The following COL4A2 variants were observed in gnomAD, a reference collection of about 807,000 sequenced individuals.
COL4A2 encodes the protein collagen alpha-2(IV) chain.
A neutral mutation model predicts 200.2 loss-of-function variants in COL4A2; 99 were observed. That is an observed-to-expected ratio of 0.49 (90% CI 0.42 to 0.58). COL4A2 has a LOEUF of 0.58. Ranked by LOEUF, COL4A2 falls within the 20% of genes least tolerant of loss-of-function variation. The pLI is 0.00. For synonymous variants in COL4A2, 897 were observed against 900.6 expected (o/e 1.00, Z 0.07); for missense variants, 1,950 against 2,314.1 (o/e 0.84, Z 3.23).
At position 110,462,166 on chromosome 13, in the gene COL4A2, C is replaced by G. The variant is rs1882051747; in HGVS notation, c.1649C>G (p.Ser550Cys). The stretch of plus-strand genomic sequence containing the variant: ...GGACCCAAAGGAGCAAAAGGAGATT[C>G]CAGAACAATCACAACCAAAGGTGAG... ...APGPKGAKGD[S>C]RTITTKGERG... The change falls in exon 23 of 48, where the codon TCC (serine) becomes TGC (cysteine). Residue 550 changes from serine (S) to cysteine (C), a missense_variant. Physicochemically the swap from Ser to Cys is moderately radical, Grantham distance 112. Transcript: ENST00000360467. The G allele has an allele frequency of 1.2e-6, 2 of 1,614,160 alleles. No homozygotes were observed. The highest frequency in any genetic ancestry group is 1.3e-5 in the African/African-American group (1 of 74,948).
intron 20 of COL4A2, among the ~76,000 whole-genome samples, chr13:110,453,932 TTC>T (rs1458378034): frequency 4.6e-5 from 7 of 152,166 alleles, no homozygotes; most frequent in Non-Finnish European, 5.9e-5. Context: ...TCCCATGGAG[TTC>T]TCTGACTTTT....
At chr13:110,505,082 G>A (rs1055975124) in intron 45 of COL4A2, among the ~76,000 whole-genome samples, 5 of 151,960 alleles carry the variant, frequency 3.3e-5, no homozygotes. Flanking sequence ...CGGGCGCGGT[G>A]GCTCACGCCT....
chr13:110,494,805 T>C (rs948209085), intron 39 of COL4A2, among the ~76,000 whole-genome samples: 1 of 152,240 alleles, frequency 6.6e-6, no homozygotes, highest in Admixed American at 6.5e-5. Context: ...TAACCAAATA[T>C]TGCTCTGTCT....
At chr13:110,495,230 G>GGC (rs1883417297) in intron 39 of COL4A2, 112 bp from the exon 40 acceptor site, 2 of 1,269,574 alleles carry the variant, frequency 1.6e-6, no homozygotes, top group Admixed American at 1.7e-5. Flanking sequence ...AAATCACCAT[G>GGC]GCTGCCTCTG....
chr13:110,485,825 A>G lies in COL4A2; in HGVS notation c.3196A>G (p.Ile1066Val), dbSNP rs780207925. The G allele has an allele frequency of 1.2e-6, 2 of 1,613,658 alleles. No individual in the cohort carries two copies. The highest frequency in any genetic ancestry group is 3.3e-5 in the Admixed American group (2 of 59,972). ...PPGITGFPGF[I>V]GSRGDKGAPG... is the part of the protein sequence containing the mutation. The stretch of plus-strand genomic sequence containing the variant: ...TGGAATTACGGGATTCCCAGGATTC[A>G]TAGGAAGCCGGGTGAGTGGGCGTCT... Residue 1066 changes from isoleucine to valine, a missense_variant, in exon 34 of 48, where the codon ATA (isoleucine) becomes GTA (valine). By Grantham distance (29) the Ile-to-Val change is conservative (BLOSUM62 3). Transcript: ENST00000360467.
chr13:110,509,296 CAA>C lies in COL4A2; in HGVS notation c.4881+1076_4881+1077del, dbSNP rs1555334026. Among the ~76,000 whole-genome samples, 457 of 129,876 alleles carry C rather than the reference CAA, an allele frequency of 3.5e-3. 1 individual carries two copies. In the East Asian group the frequency reaches 0.037, roughly 11 times the overall value. The allele number at this position is 129,876 out of a possible 152,430, so 85.2% of individuals were successfully genotyped here. On this transcript the variant is annotated intron_variant, in intron 47 of 47. Transcript: ENST00000360467. ...ACACACACACACACACACACACACA[CAA>C]CATAAAATATAAATTACATAGTGAT...
At chr13:110,345,830 C>A (rs963835313) in intron 3 of COL4A2, among the ~76,000 whole-genome samples, 2 of 152,150 alleles carry the variant, frequency 1.3e-5, no homozygotes, top group African/African-American at 4.8e-5. Context: ...ATAGCAACAC[C>A]CAGGCTCTCA....
At chr13:110,420,781 G>T (rs539396244) in intron 4 of COL4A2, among the ~76,000 whole-genome samples, 1 of 152,292 alleles carries the variant, frequency 6.6e-6, no homozygotes, top group South Asian at 2.1e-4. Flanking sequence ...CTTCCTTAGT[G>T]GGCAGGAAAT....
intron 4 of COL4A2, among the ~76,000 whole-genome samples, chr13:110,371,804 C>T (rs1451050344): frequency 6.6e-6 from 1 of 152,300 alleles, no homozygotes; most frequent in South Asian, 2.1e-4. Context: ...AAAGACTGTT[C>T]TGCCTGGGGT....
chr13:110,510,681 A>T (rs116146296), intron 47 of COL4A2, among the ~76,000 whole-genome samples: 2 of 152,102 alleles, frequency 1.3e-5, no homozygotes, highest in Non-Finnish European at 2.9e-5. Context: ...ATGTGTGTGC[A>T]TGTGTGCATG....
At chr13:110,444,554 A>G (rs1423113760) in intron 16 of COL4A2, among the ~76,000 whole-genome samples, 3 of 152,230 alleles carry the variant, frequency 2.0e-5, no homozygotes, top group Admixed American at 1.3e-4. Flanking sequence ...CCACAACAAC[A>G]CACACAAAGT....
intron 3 of COL4A2, among the ~76,000 whole-genome samples, chr13:110,345,861 G>A (rs1876676477): frequency 6.6e-6 from 1 of 152,202 alleles, no homozygotes; most frequent in African/African-American, 2.4e-5. Context: ...TCTCATCTGT[G>A]CCTGGGCATG....
intron 20 of COL4A2, chr13:110,456,368 A>T: frequency 3.6e-6 from 1 of 280,936 alleles, no homozygotes; most frequent in Non-Finnish European, 6.9e-6. Flanking sequence ...CCCCATTCCC[A>T]TATCAGAAAA....
chr13:110,440,518 C>T (rs1003054506), intron 16 of COL4A2, among the ~76,000 whole-genome samples: 1 of 152,116 alleles, frequency 6.6e-6, no homozygotes, highest in Non-Finnish European at 1.5e-5. Context: ...ATCACTTGAA[C>T]CTGGGAGGCA....
intron 29 of COL4A2, among the ~76,000 whole-genome samples, chr13:110,477,355 A>G (rs191630629): frequency 1.3e-5 from 2 of 152,370 alleles, no homozygotes; most frequent in South Asian, 2.1e-4. Flanking sequence ...CTTCAGTGCT[A>G]ACGCTCAGTG....
chr13:110,363,695 C>T (rs1297789437), intron 4 of COL4A2, among the ~76,000 whole-genome samples: 2 of 152,184 alleles, frequency 1.3e-5, no homozygotes, highest in Admixed American at 6.5e-5. Context: ...AGGAGAGCAG[C>T]GGTCTTGCCA....
chr13:110,397,465 G>C (rs1566511334), intron 4 of COL4A2, among the ~76,000 whole-genome samples: 1 of 152,194 alleles, frequency 6.6e-6, no homozygotes, highest in Non-Finnish European at 1.5e-5. Context: ...TTTCCACTTA[G>C]TGATGGATGC....
In COL4A2 at chr13:110,485,779, C is replaced by T. The variant is rs1255850915; in HGVS notation, c.3150C>T (p.Phe1050=). The T allele has an allele frequency of 1.2e-6, 2 of 1,613,766 alleles. No homozygotes were observed. Among genetic ancestry groups the T allele is most frequent in the Admixed American group, 3.3e-5 (2 of 59,996 alleles). ...GVPGIPGLPG[F]PGVAGPPGIT... ...CCGGCATCCCCGGTTTGCCAGGATTCCCTGGGGTGGCTGGCCCCCCTGGAA... is the reference window on the plus strand; with the variant it reads ...CCGGCATCCCCGGTTTGCCAGGATTTCCTGGGGTGGCTGGCCCCCCTGGAA... The change falls in exon 34 of 48, where the codon TTC becomes TTT. Residue 1050 remains phenylalanine (F), a synonymous_variant. Transcript: ENST00000360467.
chr13:110,331,245 T>C (rs1875898702), intron 3 of COL4A2, among the ~76,000 whole-genome samples: 1 of 152,170 alleles, frequency 6.6e-6, no homozygotes. Flanking sequence ...TCCCAATTAT[T>C]TGAGAATCAT....
Sources: gnomAD v4.1 joint callset for allele counts (sites outside exome capture counted in the v4.1 genomes callset) on GRCh38, gnomAD v4.1.1 for gene constraint, MANE v1.5 for transcripts, NCBI Gene and HGNC (gene_info 2026-07-23, HGNC 2026-07-21) for gene names.